ADAMTSL1: variants seen among roughly 807,000 people sequenced by gnomAD.
ADAMTSL1 encodes ADAMTS like 1, also known as ADAMTS-like protein 1.
A neutral mutation model predicts 201.8 loss-of-function variants in ADAMTSL1; 126 were observed. The observed-to-expected ratio is 0.62, with a 90% CI of 0.54 to 0.72. The LOEUF (loss-of-function observed/expected upper bound fraction) is 0.72, where lower values mean the gene tolerates loss of function less well. Ranked by LOEUF, ADAMTSL1 falls within the 30% of genes least tolerant of loss-of-function variation. The pLI is 0.00. For missense variants in ADAMTSL1, 2,679 were observed against 2,277.8 expected, an observed-to-expected ratio of 1.18 and a Z score of -3.59; for synonymous variants, 1,121 against 903.4, an observed-to-expected ratio of 1.24 and a Z score of -4.32.
At chr9:18,891,582 C>A (rs1428652458) in intron 25 of ADAMTSL1, among the ~76,000 whole-genome samples, 1 of 152,234 alleles carries the variant, frequency 6.6e-6, no homozygotes, top group Non-Finnish European at 1.5e-5. Context: ...ACTTTTGGAA[C>A]CTAACATTCA....
chr9:18,805,693 C>T (rs10963772), intron 20 of ADAMTSL1, among the ~76,000 whole-genome samples: 1 of 152,042 alleles, frequency 6.6e-6, no homozygotes, highest in Non-Finnish European at 1.5e-5. Flanking sequence ...GCCCCTGCCC[C>T]CTGCAGGCAT....
chr9:18,649,744 T>C (rs1828085234), intron 7 of ADAMTSL1, among the ~76,000 whole-genome samples: 2 of 152,242 alleles, frequency 1.3e-5, no homozygotes, highest in African/African-American at 2.4e-5. Flanking sequence ...ATCGTTCCTC[T>C]GGAAGTTTTG....
At chr9:18,404,083 G>A (rs897579936) in intron 2 of ADAMTSL1, among the ~76,000 whole-genome samples, 3 of 152,064 alleles carry the variant, frequency 2.0e-5, no homozygotes, top group Non-Finnish European at 2.9e-5. Flanking sequence ...TCTTTATAAG[G>A]ATGATGTTAC....
chr9:18,091,784 A>G (rs894213400), intron 1 of ADAMTSL1, among the ~76,000 whole-genome samples: 2 of 152,136 alleles, frequency 1.3e-5, no homozygotes, highest in African/African-American at 4.8e-5. Context: ...ATTAAAGCAC[A>G]GTCCCTTCCA....
In ADAMTSL1 at chr9:18,068,864, T is replaced by A. The variant is rs371772061; in HGVS notation, c.88-94998T>A. 1.2e-3 allele frequency among the ~76,000 whole-genome samples: 185 copies of A among 152,356 alleles called. 2 individuals carry two copies. In the South Asian group the frequency reaches 0.035, roughly 29 times the overall value. On this transcript the variant is annotated intron_variant, in intron 1 of 29. Transcript: ENST00000680146. The stretch of plus-strand genomic sequence containing the variant: ...GTGAAAGATCAATTACAGAGTGGTA[T>A]AGTGCTATACAGCACTTTACTCTGG...
chr9:18,265,822 T>C (rs1299298566), intron 2 of ADAMTSL1, among the ~76,000 whole-genome samples: 1 of 151,938 alleles, frequency 6.6e-6, no homozygotes, highest in Non-Finnish European at 1.5e-5. Context: ...AAAAGGGAGG[T>C]TAAACTGCAA....
intron 2 of ADAMTSL1, among the ~76,000 whole-genome samples, chr9:18,521,612 A>G (rs1818695383): frequency 6.6e-6 from 1 of 152,184 alleles, no homozygotes; most frequent in Non-Finnish European, 1.5e-5. Flanking sequence ...AAGATACAGT[A>G]TAAGCATGGT....
At chr9:18,824,947 C>T (rs1218626750) in intron 21 of ADAMTSL1, among the ~76,000 whole-genome samples, 7 of 152,066 alleles carry the variant, frequency 4.6e-5, no homozygotes, top group Non-Finnish European at 7.4e-5. Context: ...CTGTCTGCCT[C>T]GGCCTCCCAA....
At chr9:17,956,267 G>C (rs989609623) in intron 1 of ADAMTSL1, among the ~76,000 whole-genome samples, 2 of 151,998 alleles carry the variant, frequency 1.3e-5, no homozygotes, top group Non-Finnish European at 2.9e-5. Flanking sequence ...TCTTAGTCTC[G>C]TGATCAATTA....
At chr9:18,038,483 A>C (rs1821299045) in intron 1 of ADAMTSL1, among the ~76,000 whole-genome samples, 2 of 152,188 alleles carry the variant, frequency 1.3e-5, no homozygotes, top group African/African-American at 4.8e-5. Flanking sequence ...TGAAAGCATA[A>C]AACACATTGG....
chr9:18,314,867 G>A (rs1378543787), intron 2 of ADAMTSL1, among the ~76,000 whole-genome samples: 66 of 133,468 alleles, frequency 4.9e-4, no homozygotes, highest in South Asian at 2.3e-3. Flanking sequence ...CGCGATCTCG[G>A]CTCACTGCAA....
At chr9:18,385,459 T>C (rs1051557301) in intron 2 of ADAMTSL1, among the ~76,000 whole-genome samples, 6 of 152,228 alleles carry the variant, frequency 3.9e-5, no homozygotes, top group African/African-American at 1.4e-4. Flanking sequence ...ACTTTCACCT[T>C]GCTCCTTGAG....
At chr9:18,341,905 A>G (rs1041414062) in intron 2 of ADAMTSL1, among the ~76,000 whole-genome samples, 1 of 152,110 alleles carries the variant, frequency 6.6e-6, no homozygotes, top group African/African-American at 2.4e-5. Context: ...AACAACATCT[A>G]TAGGCTTTAA....
At chr9:18,840,758 T>C (rs1825663980) in intron 23 of ADAMTSL1, among the ~76,000 whole-genome samples, 1 of 150,694 alleles carries the variant, frequency 6.6e-6, no homozygotes, top group Admixed American at 6.6e-5. Context: ...TCACATCCCT[T>C]GTAAGTTGGA....
chr9:18,206,040 T>C, intron 2 of ADAMTSL1, among the ~76,000 whole-genome samples: 1 of 87,284 alleles, frequency 1.1e-5, no homozygotes, highest in Non-Finnish European at 2.0e-5. Flanking sequence ...GGCAACAAAG[T>C]GAGACTCCAT....
chr9:18,821,627 G>C (rs543751977), intron 21 of ADAMTSL1, among the ~76,000 whole-genome samples: 2 of 152,308 alleles, frequency 1.3e-5, no homozygotes, highest in East Asian at 3.9e-4. Flanking sequence ...ATGGAGAAAC[G>C]TGGAAGGCTG....
At chr9:18,360,894 T>C (rs1231018967) in intron 2 of ADAMTSL1, among the ~76,000 whole-genome samples, 1 of 152,106 alleles carries the variant, frequency 6.6e-6, no homozygotes, top group African/African-American at 2.4e-5. Context: ...AAAACAACCA[T>C]TTTTAAGTTT....
chr9:18,880,156 C>G (rs888176596), intron 23 of ADAMTSL1, among the ~76,000 whole-genome samples: 1 of 152,198 alleles, frequency 6.6e-6, no homozygotes, highest in Non-Finnish European at 1.5e-5. Flanking sequence ...TTCCTCAACA[C>G]TGAAGTTTTG....
intron 2 of ADAMTSL1, among the ~76,000 whole-genome samples, chr9:18,182,448 A>G (rs1298493303): frequency 6.6e-6 from 1 of 152,166 alleles, no homozygotes. Context: ...CAAAGACTCA[A>G]AAACTTTATT....
Sources: allele counts gnomAD v4.1 joint callset (sites outside exome capture counted in the v4.1 genomes callset), GRCh38; gene constraint gnomAD v4.1.1; transcripts MANE v1.5; gene names NCBI Gene and HGNC (gene_info 2026-07-23, HGNC 2026-07-21).